STARD13: variants seen among roughly 807,000 people sequenced by gnomAD.
The protein encoded by STARD13 is StAR related lipid transfer domain containing 13.
Under a neutral mutation model 106.4 loss-of-function variants are expected in STARD13, and 62 were observed. The ratio of observed to expected loss-of-function variants is 0.58; its 90% CI spans 0.48 to 0.72. The LOEUF (loss-of-function observed/expected upper bound fraction) is 0.72. STARD13 is among the 30% of genes least tolerant of loss of function. STARD13 has a pLI of 0.00. For missense variants in STARD13, 1,387 were observed against 1,424.0 expected, an observed-to-expected ratio of 0.97 and a Z score of 0.42; for synonymous variants, 565 against 553.0, an observed-to-expected ratio of 1.02 and a Z score of -0.31.
the STARD13 span, among the ~76,000 whole-genome samples, chr13:33,671,814 A>G: frequency 6.6e-6 from 1 of 152,184 alleles, no homozygotes; most frequent in South Asian, 2.1e-4. Flanking sequence ...AAAATAATAC[A>G]TAAGTCACAA....
chr13:33,617,056 T>A, the STARD13 span, among the ~76,000 whole-genome samples: 1 of 152,244 alleles, frequency 6.6e-6, no homozygotes, highest in African/African-American at 2.4e-5. Context: ...TTAGCGTGGT[T>A]TAAAATGGAA....
upstream of STARD13, among the ~76,000 whole-genome samples, chr13:33,353,218 C>T (rs1406027418): frequency 6.6e-6 from 1 of 152,198 alleles, no homozygotes; most frequent in Non-Finnish European, 1.5e-5. Context: ...AGCCCACTGC[C>T]TCTACCCTGT....
At chr13:33,284,831 A>G (rs1433832265) in intron 1 of STARD13, among the ~76,000 whole-genome samples, 1 of 152,172 alleles carries the variant, frequency 6.6e-6, no homozygotes, top group Admixed American at 6.5e-5. Flanking sequence ...CTTATAATCA[A>G]TATTCTCTTC....
At chr13:33,136,319 T>C (rs1566015597) in intron 4 of STARD13, among the ~76,000 whole-genome samples, 2 of 152,164 alleles carry the variant, frequency 1.3e-5, no homozygotes, top group African/African-American at 4.8e-5. Context: ...TCAATAAAAA[T>C]CTGAACAGTT....
the STARD13 span, among the ~76,000 whole-genome samples, chr13:33,471,510 G>T: frequency 1.7e-4 from 26 of 152,212 alleles, no homozygotes; most frequent in African/African-American, 6.0e-4. Context: ...GAATGGGAAG[G>T]AATACCTAAT....
intron 1 of STARD13, chr13:33,277,659 A>G (rs1891518216): frequency 6.6e-6 from 1 of 152,166 alleles, no homozygotes; most frequent in African/African-American, 2.4e-5. Flanking sequence ...TAATGTTAGA[A>G]CCATTTGGAC....
the STARD13 span, among the ~76,000 whole-genome samples, chr13:33,635,623 G>A: frequency 5.3e-5 from 8 of 151,394 alleles, no homozygotes; most frequent in African/African-American, 1.5e-4. Flanking sequence ...TTGTGCCACC[G>A]CACCACTCCA....
At chr13:33,571,829 A>C in the STARD13 span, among the ~76,000 whole-genome samples, 1 of 152,228 alleles carries the variant, frequency 6.6e-6, no homozygotes, top group African/African-American at 2.4e-5. Flanking sequence ...AGAATATTTA[A>C]GAGGACCTGA....
chr13:33,111,640 A>T, intron 10 of STARD13, 138 bp downstream of exon 10: 1 of 589,772 alleles, frequency 1.7e-6, no homozygotes, highest in Non-Finnish European at 3.0e-6. Context: ...TTGGAAGCAA[A>T]CACCAGAGCT....
the STARD13 span, among the ~76,000 whole-genome samples, chr13:33,440,135 C>T: frequency 1.7e-4 from 26 of 152,028 alleles, no homozygotes; most frequent in Middle Eastern, 3.4e-3. Context: ...TAAAATTAGC[C>T]GAGCATGGTG....
At chr13:33,578,902 TC>T in the STARD13 span, among the ~76,000 whole-genome samples, 1 of 152,082 alleles carries the variant, frequency 6.6e-6, no homozygotes, top group African/African-American at 2.4e-5. Flanking sequence ...GAAAAAATGC[TC>T]AGCGTCACTA....
the STARD13 span, among the ~76,000 whole-genome samples, chr13:33,492,027 AGGG>A: frequency 6.6e-6 from 1 of 151,804 alleles, no homozygotes; most frequent in Non-Finnish European, 1.5e-5. Flanking sequence ...AATTAGTCAA[AGGG>A]GGTTGTTCTT....
intron 1 of STARD13, among the ~76,000 whole-genome samples, chr13:33,225,692 T>C (rs1440011363): frequency 6.6e-6 from 1 of 152,170 alleles, no homozygotes; most frequent in Non-Finnish European, 1.5e-5. Flanking sequence ...ACAATGATCT[T>C]TGATATATTT....
At chr13:33,286,720 G>C (rs1566119255), upstream of STARD13, among the ~76,000 whole-genome samples, 1 of 152,108 alleles carries the variant, frequency 6.6e-6, no homozygotes, top group Non-Finnish European at 1.5e-5. Context: ...AAAATGGGGG[G>C]AATTCTGATA....
chr13:33,191,571 C>T (rs1886260358), intron 1 of STARD13, among the ~76,000 whole-genome samples: 1 of 152,200 alleles, frequency 6.6e-6, no homozygotes, highest in South Asian at 2.1e-4. Flanking sequence ...CACACCCAGG[C>T]TAACTGAATC....
At chr13:33,347,347 T>C (rs752958269), downstream of STARD13, among the ~76,000 whole-genome samples, 6 of 152,216 alleles carry the variant, frequency 3.9e-5, no homozygotes, top group Admixed American at 1.3e-4. Flanking sequence ...ATGATTCTCA[T>C]GCCTCAGCCT....
At chr13:33,235,634 G>C (rs1944470356) in intron 1 of STARD13, among the ~76,000 whole-genome samples, 1 of 152,164 alleles carries the variant, frequency 6.6e-6, no homozygotes, top group Non-Finnish European at 1.5e-5. Flanking sequence ...GAAAAGTCTG[G>C]TAGCCCTGTC....
chr13:33,418,893 TAACA>T, the STARD13 span, among the ~76,000 whole-genome samples: 4 of 152,074 alleles, frequency 2.6e-5, no homozygotes, highest in African/African-American at 4.8e-5. Context: ...GAAGGAAAAC[TAACA>T]AACAGAAAGG....
chr13:33,148,458 T>C (rs1880840800), intron 3 of STARD13, among the ~76,000 whole-genome samples: 1 of 152,112 alleles, frequency 6.6e-6, no homozygotes, highest in Admixed American at 6.5e-5. Context: ...GAATATATGG[T>C]AAACAAGCCT....
Sources: allele counts gnomAD v4.1 joint callset (sites outside exome capture counted in the v4.1 genomes callset), GRCh38; gene constraint gnomAD v4.1.1; transcripts MANE v1.5; gene names NCBI Gene and HGNC (gene_info 2026-07-23, HGNC 2026-07-21).